The following CDC42SE1 variants were observed in gnomAD, a reference collection of about 807,000 sequenced individuals.
CDC42SE1 encodes the protein CDC42 small effector 1.
In CDC42SE1, 10 loss-of-function variants were observed where a neutral mutation model predicts 10.9. That is an observed-to-expected ratio of 0.92 (90% CI 0.57 to 1.56). The LOEUF (loss-of-function observed/expected upper bound fraction) is 1.56, where lower values mean the gene tolerates loss of function less well. CDC42SE1 is among the 40% of genes most tolerant of loss of function. The probability of loss-of-function intolerance (pLI) is 0.00; values close to 1 mark genes in which losing one functional copy is unlikely to be tolerated. For synonymous variants in CDC42SE1, 24 were observed against 32.0 expected (o/e 0.75, Z 0.85); for missense variants, 81 against 100.8 (o/e 0.80, Z 0.84).
rs937611801 is a variant in CDC42SE1, at chr1:151,059,524, T to C, written c.-309A>G. On this transcript the variant is annotated 5_prime_UTR_variant, in exon 1 of 5. Coordinates refer to ENST00000357235, the MANE Select transcript of CDC42SE1 (RefSeq NM_020239.4). ...GACGTTCAGCTACAGCTGGTGGGGG[T>C]GAGGGACTCTGCTCCGTGGCCGCCA... 2 of 151,786 alleles carry C rather than the reference T, an allele frequency of 1.3e-5. No individual in the cohort carries two copies. The highest frequency in any genetic ancestry group is 4.9e-5 in the African/African-American group (2 of 41,182). The allele number at this position is 151,786 out of a possible 1,614,324, so 9.4% of individuals were successfully genotyped here. A position where few individuals can be genotyped will look rare whatever the true frequency, so the allele number is the denominator to read the frequency against.
intron 2 of CDC42SE1, 33 bp downstream of exon 2, chr1:151,055,644 C>G (rs756568031): frequency 1.3e-6 from 2 of 1,586,460 alleles, no homozygotes; most frequent in African/African-American, 2.7e-5. Context: ...ACTGACTGCT[C>G]TTTGGGTTAG....
chr1:151,058,745 G>C (rs974303030), intron 1 of CDC42SE1: 3 of 152,534 alleles, frequency 2.0e-5, no homozygotes, highest in Non-Finnish European at 4.4e-5. Flanking sequence ...TGGGAAAGAG[G>C]TGCCAGGGAG....
chr1:151,054,318 C>T lies in CDC42SE1; in HGVS notation c.169G>A (p.Gly57Ser). 6.2e-7 allele frequency: 1 copy of T among 1,613,234 alleles called. No homozygotes were observed. The highest frequency in any genetic ancestry group is 8.5e-7 in the Non-Finnish European group (1 of 1,179,368). Reference sequence around the variant, plus strand: ...GATCTCATCTGCTCCTGAACTGCACCTGTCTGTAAAAAAACAGATGCGAGA... The same window carrying T: ...GATCTCATCTGCTCCTGAACTGCACTTGTCTGTAAAAAAACAGATGCGAGA... ...MGAGDGLAMT[G>S]AVQEQMRSKG... The change falls in exon 4 of 5, where the codon GGT (glycine) becomes AGT (serine). Residue 57 changes from glycine (G) to serine (S), a missense_variant. Gly to Ser is a moderately conservative substitution (Grantham distance 56). Coordinates refer to ENST00000357235, the MANE Select transcript of CDC42SE1 (RefSeq NM_020239.4).
At chr1:151,054,117 C>T (rs1676236227) in intron 4 of CDC42SE1, 114 bp downstream of exon 4, 2 of 737,194 alleles carry the variant, frequency 2.7e-6, no homozygotes, top group Admixed American at 2.0e-5. Flanking sequence ...AGGCATAAGC[C>T]ACCATGCCCG....
intron 2 of CDC42SE1, 194 bp downstream of exon 2, chr1:151,055,483 T>C (rs1676261607): frequency 6.3e-6 from 4 of 632,850 alleles, no homozygotes; most frequent in Non-Finnish European, 1.1e-5. Flanking sequence ...AGGTAATAGC[T>C]AGGACTATTC....
intron 1 of CDC42SE1, among the ~76,000 whole-genome samples, chr1:151,056,238 A>AGAAG (rs1676275547): frequency 6.6e-6 from 1 of 152,190 alleles, no homozygotes; most frequent in Admixed American, 6.5e-5. Flanking sequence ...GAAGGGGGCT[A>AGAAG]GAAGCACTTA....
chr1:151,054,168 C>A, intron 4 of CDC42SE1, 63 bp downstream of exon 4: 2 of 1,042,928 alleles, frequency 1.9e-6, no homozygotes, highest in South Asian at 2.5e-5. Context: ...GGTTCTGAGT[C>A]AGGGTATCAG....
rs1676239227 is a variant in CDC42SE1, at chr1:151,054,254, C to T, written c.233G>A (p.Gly78Asp). ...NRDRPWSNSR[G>D]L is the part of the protein sequence containing the mutation. ...ACCATTCCATTATTGGAGCTATAAG[C>T]CCCTAGAATTGCTCCATGGCCTATC... Residue 78 changes from glycine to aspartate, a missense_variant, in exon 4 of 5, where the codon GGC (glycine) becomes GAC (aspartate). Transcript: ENST00000357235. The T allele has an allele frequency of 1.2e-6, 2 of 1,610,582 alleles. No homozygotes were observed. Among genetic ancestry groups the T allele is most frequent in the Admixed American group, 1.7e-5 (1 of 60,010 alleles).
intron 3 of CDC42SE1, 119 bp from the exon 4 acceptor site, chr1:151,054,440 C>G: frequency 1.3e-6 from 1 of 792,832 alleles, no homozygotes; most frequent in South Asian, 1.4e-5. Flanking sequence ...CAGCCATCTG[C>G]TAACCACCAT....
chr1:151,055,597 G>A lies in CDC42SE1; in HGVS notation c.54+80C>T, dbSNP rs1676263380. The A allele has an allele frequency of 5.1e-6, 6 of 1,182,472 alleles. No homozygotes were observed. The Admixed American group carries it at 9.2e-5, about 18-fold the overall frequency. The allele number at this position is 1,182,472 out of a possible 1,614,324, so 73.2% of individuals were successfully genotyped here. A position where few individuals can be genotyped will look rare whatever the true frequency, so the allele number is the denominator to read the frequency against. Reference sequence around the variant, plus strand: ...AAGAAGTGTGCTTTTTTAGATGGCAGATCCTAGATGGTGTGGCTACCTCAC... The same window carrying A: ...AAGAAGTGTGCTTTTTTAGATGGCAAATCCTAGATGGTGTGGCTACCTCAC... On this transcript the variant is annotated intron_variant, in intron 2 of 4. Coordinates refer to ENST00000357235, the MANE Select transcript of CDC42SE1 (RefSeq NM_020239.4).
At position 151,051,472 on chromosome 1, in the gene CDC42SE1, T is replaced by C. The variant is rs1187473896; in HGVS notation, c.*1872A>G. 2 of 139,206 alleles carry C rather than the reference T, an allele frequency of 1.4e-5. No homozygotes were observed. The highest frequency in any genetic ancestry group is 5.3e-5 in the African/African-American group (2 of 37,488). 8.6% of individuals were successfully genotyped at this position (139,206 alleles called of 1,614,324 possible). On this transcript the variant is annotated 3_prime_UTR_variant, in exon 5 of 5. Coordinates refer to ENST00000357235, the MANE Select transcript of CDC42SE1 (RefSeq NM_020239.4). The stretch of plus-strand genomic sequence containing the variant: ...TAAGCAAACTGAATGGGTGGTGGAA[T>C]TGGCAGAATGGATACCAGTTCCTAC...
At position 151,051,321 on chromosome 1, in the gene CDC42SE1, G is replaced by A. The variant is rs1212975402; in HGVS notation, c.*2023C>T. The A allele has an allele frequency of 7.7e-6, 1 of 129,054 alleles. No individual in the cohort carries two copies. Among genetic ancestry groups the A allele is most frequent in the African/African-American group, 2.9e-5 (1 of 34,364 alleles). 8.0% of individuals were successfully genotyped at this position (129,054 alleles called of 1,614,324 possible). A position where few individuals can be genotyped will look rare whatever the true frequency, so the allele number is the denominator to read the frequency against. On this transcript the variant is annotated 3_prime_UTR_variant, in exon 5 of 5. Coordinates refer to ENST00000357235, the MANE Select transcript of CDC42SE1 (RefSeq NM_020239.4). ...ACTTTCAGAGCAACCAGCTTGACTG[G>A]AACTGAGAGTAAATTGGGAATGTAT...
At chr1:151,056,447 C>T (rs906823296) in intron 1 of CDC42SE1, among the ~76,000 whole-genome samples, 1 of 152,110 alleles carries the variant, frequency 6.6e-6, no homozygotes, top group Non-Finnish European at 1.5e-5. Context: ...CTTACCTTGC[C>T]CTGAACGCCT....
rs971394656 is a variant in CDC42SE1, at chr1:151,051,204, G to A, written c.*2140C>T. On this transcript the variant is annotated 3_prime_UTR_variant, in exon 5 of 5. Transcript: ENST00000357235. ...TCACGGTGACCAGAGATTTCTAGGAGTCTCTAACCTTTCCACCCTATCCTG... is the reference window on the plus strand; with the variant it reads ...TCACGGTGACCAGAGATTTCTAGGAATCTCTAACCTTTCCACCCTATCCTG... The A allele has an allele frequency of 1.3e-5, 2 of 151,578 alleles. No individual in the cohort carries two copies. The highest frequency in any genetic ancestry group is 4.8e-5 in the African/African-American group (2 of 41,248). 9.4% of individuals were successfully genotyped at this position (151,578 alleles called of 1,614,324 possible).
At position 151,059,471 on chromosome 1, in the gene CDC42SE1, G is replaced by C. The variant is rs1676360447; in HGVS notation, c.-264+8C>G. ...AGGCGGGCCAGGGGACCAACTGCACGGCCTCACCTGCTCTTCTCCACCATC... is the reference window on the plus strand; with the variant it reads ...AGGCGGGCCAGGGGACCAACTGCACCGCCTCACCTGCTCTTCTCCACCATC... On this transcript the variant is annotated splice_region_variant and intron_variant, in intron 1 of 4. Coordinates refer to ENST00000357235, the MANE Select transcript of CDC42SE1 (RefSeq NM_020239.4). The C allele has an allele frequency of 6.6e-6, 1 of 152,588 alleles. No homozygotes were observed. The highest frequency in any genetic ancestry group is 1.5e-5 in the Non-Finnish European group (1 of 68,372). 9.5% of individuals were successfully genotyped at this position (152,588 alleles called of 1,614,324 possible). A position where few individuals can be genotyped will look rare whatever the true frequency, so the allele number is the denominator to read the frequency against.
chr1:151,057,296 C>T lies in CDC42SE1; in HGVS notation c.-263-1303G>A, dbSNP rs1433002029. ...CAGCACTTTGGGAGGCCAAGGTGGGCGGATCACCTGAGGTCAGGAGTTCCA... is the reference window on the plus strand; with the variant it reads ...CAGCACTTTGGGAGGCCAAGGTGGGTGGATCACCTGAGGTCAGGAGTTCCA... On this transcript the variant is annotated intron_variant, in intron 1 of 4. Coordinates refer to ENST00000357235, the MANE Select transcript of CDC42SE1 (RefSeq NM_020239.4). The surrounding 1 kb of genome is among the most constrained non-coding windows in gnomAD (Gnocchi z 4.0). 2.6e-5 allele frequency among the ~76,000 whole-genome samples: 4 copies of T among 152,030 alleles called. No individual in the cohort carries two copies. The highest frequency in any genetic ancestry group is 4.4e-5 in the Non-Finnish European group (3 of 68,010).
rs763942346 is a variant in CDC42SE1, at chr1:151,054,309, G to C, written c.178C>G (p.Gln60Glu). 1 of 1,613,460 alleles carries C rather than the reference G, an allele frequency of 6.2e-7. No individual in the cohort carries two copies. The highest frequency in any genetic ancestry group is 8.5e-7 in the Non-Finnish European group (1 of 1,179,578). Residue 60 changes from glutamine to glutamate, a missense_variant, in exon 4 of 5, where the codon CAG (glutamine) becomes GAG (glutamate). Gln to Glu is a conservative substitution (Grantham distance 29). Transcript: ENST00000357235. ...GDGLAMTGAVQEQMRSKGNRD... is the reference protein window; with the variant it reads ...GDGLAMTGAVEEQMRSKGNRD... ...TTTCCCTTGGATCTCATCTGCTCCT[G>C]AACTGCACCTGTCTGTAAAAAAACA...
At chr1:151,054,372 T>G (rs1249474660) in intron 3 of CDC42SE1, 51 bp from the exon 4 acceptor site, 1 of 1,404,656 alleles carries the variant, frequency 7.1e-7, no homozygotes, top group Non-Finnish European at 1.0e-6. Flanking sequence ...TATCCTACAG[T>G]AAGAACTCTA....
chr1:151,051,759 ATG>A lies in CDC42SE1; in HGVS notation c.*1583_*1584del, dbSNP rs1390792335. ...CTTCAGACAAAACTCCCTGAGTCTA[ATG>A]TGTGTCTAGGACTAGGGCACAGAAA... On this transcript the variant is annotated 3_prime_UTR_variant, in exon 5 of 5. Coordinates refer to ENST00000357235, the MANE Select transcript of CDC42SE1 (RefSeq NM_020239.4). 2.0e-5 allele frequency: 3 copies of A among 152,728 alleles called. No individual in the cohort carries two copies. Among genetic ancestry groups the A allele is most frequent in the Admixed American group, 2.0e-4 (3 of 15,284 alleles). 9.5% of individuals were successfully genotyped at this position (152,728 alleles called of 1,614,324 possible).
Sources: allele counts gnomAD v4.1 joint callset (sites outside exome capture counted in the v4.1 genomes callset), GRCh38; gene constraint gnomAD v4.1.1; non-coding constraint Gnocchi (gnomAD v3.1); transcripts MANE v1.5; gene names NCBI Gene and HGNC (gene_info 2026-07-23, HGNC 2026-07-21).